The following CPEB3 variants were observed in gnomAD, a reference collection of about 807,000 sequenced individuals.
CPEB3 encodes cytoplasmic polyadenylation element-binding protein 3.
In CPEB3, 20 loss-of-function variants were observed where a neutral mutation model predicts 67.2. The ratio of observed to expected loss-of-function variants is 0.30; its 90% CI spans 0.21 to 0.43. The LOEUF is 0.43. Ranked by LOEUF, CPEB3 falls within the 20% of genes least tolerant of loss-of-function variation. CPEB3 has a pLI of 1.00. For missense variants in CPEB3, 746 were observed against 968.6 expected, an observed-to-expected ratio of 0.77 and a Z score of 3.05; for synonymous variants, 376 against 393.1, an observed-to-expected ratio of 0.96 and a Z score of 0.51.
At chr10:92,220,711 C>T (rs562423937) in intron 2 of CPEB3, among the ~76,000 whole-genome samples, 3 of 152,154 alleles carry the variant, frequency 2.0e-5, no homozygotes, top group Admixed American at 6.5e-5. Context: ...TTGTTCTTAC[C>T]AGGCCTTGAT....
chr10:92,094,814 C>G (rs982752030), intron 7 of CPEB3, among the ~76,000 whole-genome samples: 1 of 150,846 alleles, frequency 6.6e-6, no homozygotes, highest in African/African-American at 2.4e-5. Flanking sequence ...TAATGACACA[C>G]ACACACACAC....
chr10:92,111,125 T>C lies in CPEB3; in HGVS notation c.1523A>G (p.Asp508Gly). The C allele has an allele frequency of 1.2e-6, 2 of 1,614,162 alleles. No homozygotes were observed. Among genetic ancestry groups the C allele is most frequent in the Non-Finnish European group, 1.7e-6 (2 of 1,180,008 alleles). Residue 508 changes from aspartate (D) to glycine (G), a missense_variant, in exon 7 of 10, where the codon GAT becomes GGT. Around this residue, in one of 2 missense-constraint regions of CPEB3, gnomAD observed 643 missense variants for 717.5 expected, o/e 0.90. Transcript: ENST00000265997. ...TGACACACACAGGTAGAGTTTCCCA[T>C]CTTCTTCTAGGCAGGCATCTATCAA... is the stretch of plus-strand genomic sequence containing the variant. ...QALIDACLEE[D>G]GKLYLCVSSP...
rs200783020 is a variant in CPEB3, at chr10:92,201,302, C to T, written c.1006-8666G>A. On this transcript the variant is annotated intron_variant, in intron 2 of 9. Coordinates refer to ENST00000265997, the MANE Select transcript of CPEB3 (RefSeq NM_014912.5). ...TAGCACTTTGGGAGGCCGAGGCGGG[C>T]GGATCACCTGAGGTCAGCAGTTCGA... Among the ~76,000 whole-genome samples, 95 of 152,078 alleles carry T rather than the reference C, an allele frequency of 6.2e-4. 1 individual carries two copies. In the East Asian group the frequency reaches 0.018, roughly 28 times the overall value.
chr10:92,282,785 A>G (rs1173842392), intron 1 of CPEB3, among the ~76,000 whole-genome samples: 2 of 152,248 alleles, frequency 1.3e-5, no homozygotes, highest in African/African-American at 4.8e-5. Flanking sequence ...AGAGAGCAAC[A>G]GGGACATTAT....
intron 2 of CPEB3, among the ~76,000 whole-genome samples, chr10:92,201,249 C>T (rs1477377619): frequency 2.6e-5 from 4 of 152,000 alleles, no homozygotes; most frequent in Non-Finnish European, 5.9e-5. Context: ...AAAATTAGGC[C>T]GGGCACGGTG....
At chr10:92,125,313 C>T (rs1281159068) in intron 6 of CPEB3, among the ~76,000 whole-genome samples, 1 of 152,240 alleles carries the variant, frequency 6.6e-6, no homozygotes, top group Non-Finnish European at 1.5e-5. Context: ...CTCCATTCCA[C>T]TGCCAGCATC....
rs1590113140 is a variant in CPEB3, at chr10:92,090,830, G to A, written c.1687+1000C>T. ...TTATTCTCCGACTGCAGATAAAAGGGGAGCATCTCTGCTGTTTTGCTTTCT... is the reference window on the plus strand; with the variant it reads ...TTATTCTCCGACTGCAGATAAAAGGAGAGCATCTCTGCTGTTTTGCTTTCT... On this transcript the variant is annotated intron_variant, in intron 8 of 9. Coordinates refer to ENST00000265997, the MANE Select transcript of CPEB3 (RefSeq NM_014912.5). Among the ~76,000 whole-genome samples the A allele has an allele frequency of 2.6e-5, 4 of 152,212 alleles. No individual in the cohort carries two copies. The South Asian group carries it at 8.3e-4, about 32-fold the overall frequency.
intron 4 of CPEB3, among the ~76,000 whole-genome samples, chr10:92,162,823 G>A (rs1026541484): frequency 4.6e-5 from 7 of 152,226 alleles, no homozygotes; most frequent in Admixed American, 1.3e-4. Flanking sequence ...CAAGGGAAGG[G>A]CATGTTATGC....
chr10:92,183,279 T>C (rs569547745), intron 3 of CPEB3, among the ~76,000 whole-genome samples: 5 of 149,982 alleles, frequency 3.3e-5, no homozygotes, highest in Non-Finnish European at 5.9e-5. Flanking sequence ...AAAAGATACA[T>C]GTACTGTATC....
At chr10:92,236,648 C>T (rs1179952904) in intron 2 of CPEB3, among the ~76,000 whole-genome samples, 1 of 152,112 alleles carries the variant, frequency 6.6e-6, no homozygotes, top group East Asian at 1.9e-4. Flanking sequence ...ACTCGGGAGG[C>T]TGAGGCAGGA....
intron 4 of CPEB3, among the ~76,000 whole-genome samples, chr10:92,150,221 T>A (rs1312300577): frequency 2.6e-5 from 4 of 151,918 alleles, no homozygotes; most frequent in Non-Finnish European, 5.9e-5. Flanking sequence ...TTCCAGAGCT[T>A]GAAAATAATC....
intron 6 of CPEB3, among the ~76,000 whole-genome samples, chr10:92,141,368 A>G (rs1445034045): frequency 2.0e-5 from 3 of 151,886 alleles, no homozygotes; most frequent in Non-Finnish European, 4.4e-5. Context: ...ATTCTCAGCA[A>G]ACTATCACAA....
At chr10:92,279,182 A>G (rs1466584092) in intron 1 of CPEB3, among the ~76,000 whole-genome samples, 5 of 152,148 alleles carry the variant, frequency 3.3e-5, no homozygotes, top group Non-Finnish European at 5.9e-5. Flanking sequence ...ATTTTTTTGT[A>G]GATGCACTTT....
chr10:92,152,831 AT>A (rs1423079863), intron 4 of CPEB3, among the ~76,000 whole-genome samples: 3 of 152,214 alleles, frequency 2.0e-5, no homozygotes, highest in African/African-American at 7.2e-5. Flanking sequence ...TCACTTATTT[AT>A]TGTCTCTCTC....
At position 92,135,968 on chromosome 10, in the gene CPEB3, A is replaced by T. The variant is rs539043524; in HGVS notation, c.1453+7061T>A. Among the ~76,000 whole-genome samples, 4 of 150,120 alleles carry T rather than the reference A, an allele frequency of 2.7e-5. No homozygotes were observed. The East Asian group carries it at 7.9e-4, about 30-fold the overall frequency. ...TAGGTGGGAATTGAACAATGAGAAC[A>T]CTTGGACACAGGGCAGGGAACATCA... On this transcript the variant is annotated intron_variant, in intron 6 of 9. Coordinates refer to ENST00000265997, the MANE Select transcript of CPEB3 (RefSeq NM_014912.5).
chr10:92,216,587 C>T (rs1590413975), intron 2 of CPEB3: 1 of 1,611,094 alleles, frequency 6.2e-7, no homozygotes, highest in South Asian at 1.1e-5. Context: ...AGGAGACACA[C>T]TGCCCATTGA....
intron 2 of CPEB3, among the ~76,000 whole-genome samples, chr10:92,236,327 A>G (rs1049810161): frequency 2.6e-5 from 4 of 152,216 alleles, no homozygotes; most frequent in African/African-American, 9.6e-5. Flanking sequence ...CAGTCTCCCT[A>G]TTTATAGAAA....
rs750240026 is a variant in CPEB3 at position 92,091,958 on chromosome 10, G to A, written c.1573-14C>T. 2.0e-5 allele frequency: 30 copies of A among 1,485,176 alleles called. No individual in the cohort carries two copies. Among genetic ancestry groups the A allele is most frequent in the East Asian group, 4.5e-5 (2 of 44,230 alleles). 92.0% of individuals were successfully genotyped at this position (1,485,176 alleles called of 1,614,324 possible). A position where few individuals can be genotyped will look rare whatever the true frequency, so the allele number is the denominator to read the frequency against. On this transcript the variant is annotated splice_polypyrimidine_tract_variant and intron_variant, in intron 7 of 9. Coordinates refer to ENST00000265997, the MANE Select transcript of CPEB3 (RefSeq NM_014912.5). ...TCGAATTTGCACCTGAAAAAAAGTTGTTTACTTGGTCCTTACTTCATTTCC... is the reference window on the plus strand; with the variant it reads ...TCGAATTTGCACCTGAAAAAAAGTTATTTACTTGGTCCTTACTTCATTTCC...
chr10:92,062,114 G>A (rs892465361), intron 9 of CPEB3, among the ~76,000 whole-genome samples: 16 of 151,744 alleles, frequency 1.1e-4, no homozygotes, highest in East Asian at 3.9e-4. Context: ...TGGTGGTGGC[G>A]CCTGTAATTC....
Sources: gnomAD v4.1 joint callset for allele counts (sites outside exome capture counted in the v4.1 genomes callset) on GRCh38, gnomAD v4.1.1 for gene constraint, gnomAD v4.1.1 regional missense constraint, MANE v1.5 for transcripts, NCBI Gene and HGNC (gene_info 2026-07-23, HGNC 2026-07-21) for gene names.